Variants in TLN1 observed in about 807,000 individuals in gnomAD.
TLN1 encodes talin-1.
TLN1 carries 56 observed loss-of-function variants against 292.3 expected under a neutral mutation model. The observed-to-expected ratio is 0.19, with a 90% CI of 0.15 to 0.24. The LOEUF is 0.24. TLN1 is among the 10% of genes least tolerant of loss of function. The pLI is 1.00. For synonymous variants in TLN1, 1,119 were observed against 1,253.7 expected (o/e 0.89, Z 2.27); for missense variants, 2,433 against 3,248.2 (o/e 0.75, Z 6.10).
rs1480000671 is a variant in TLN1 at position 35,704,232 on chromosome 9, G to A, written c.6048-58C>T. The A allele has an allele frequency of 1.9e-6, 3 of 1,569,590 alleles. No individual in the cohort carries two copies. The highest frequency in any genetic ancestry group is 1.3e-5 in the African/African-American group (1 of 74,082). ...CTACCCGCTCCAGCCCGTCCAAGGT[G>A]CCTGGTCCAGGTCTTCCCCATTCCA... On this transcript the variant is annotated intron_variant, in intron 45 of 56. Transcript: ENST00000314888. This position sits in a 1 kb window ranked among gnomAD's most constrained non-coding sequence, Gnocchi z 6.9.
chr9:35,731,697 T>G (rs995626689), intron 1 of TLN1, among the ~76,000 whole-genome samples: 2 of 152,100 alleles, frequency 1.3e-5, no homozygotes, highest in African/African-American at 4.8e-5. Flanking sequence ...CTCTTAAGTT[T>G]TAACCCCAGC....
chr9:35,719,356 C>A lies in TLN1; in HGVS notation c.1688-74G>T. ...CGAAGGGCTGGGGAGGGAGCAAAGT[C>A]ACACCCAGTTAGTCACACACATGTC... On this transcript the variant is annotated intron_variant, in intron 15 of 56. Transcript: ENST00000314888. This position sits in a 1 kb window ranked among gnomAD's most constrained non-coding sequence, Gnocchi z 4.6. 6.8e-7 allele frequency: 1 copy of A among 1,472,440 alleles called. No individual in the cohort carries two copies. Among genetic ancestry groups the A allele is most frequent in the Non-Finnish European group, 9.4e-7 (1 of 1,061,240 alleles). The allele number at this position is 1,472,440 out of a possible 1,614,324, so 91.2% of individuals were successfully genotyped here.
Position 35,699,770 on chromosome 9 carries a change from A to G in TLN1, c.6768+204T>C. On this transcript the variant is annotated intron_variant, in intron 50 of 56. Coordinates refer to ENST00000314888, the MANE Select transcript of TLN1 (RefSeq NM_006289.4). The surrounding 1 kb of genome is among the most constrained non-coding windows in gnomAD (Gnocchi z 4.0). ...AGGAGAAAAGAAAAAGAGGAAGAGG[A>G]AGAGGTGACTGGGAGAACCAAAGAT... 1 of 855,862 alleles carries G rather than the reference A, an allele frequency of 1.2e-6. No homozygotes were observed. The highest frequency in any genetic ancestry group is 1.4e-6 in the Non-Finnish European group (1 of 711,938). The allele number at this position is 855,862 out of a possible 1,614,324, so 53.0% of individuals were successfully genotyped here.
intron 1 of TLN1, among the ~76,000 whole-genome samples, chr9:35,727,195 T>C (rs1384422677): frequency 6.6e-6 from 1 of 151,908 alleles, no homozygotes; most frequent in Non-Finnish European, 1.5e-5. Flanking sequence ...AATGGGCAAA[T>C]ACAAGCTGCC....
intron 3 of TLN1, 104 bp from the exon 4 acceptor site, chr9:35,725,063 A>G (rs144997259): frequency 1.0e-4 from 161 of 1,578,732 alleles, no homozygotes; most frequent in Admixed American, 7.4e-4. Flanking sequence ...AAGGAAGACT[A>G]TGGTGGTTCG....
chr9:35,699,386 C>T lies in TLN1; in HGVS notation c.6844G>A (p.Glu2282Lys), dbSNP rs1196681235. 10 of 1,613,810 alleles carry T rather than the reference C, an allele frequency of 6.2e-6. No individual in the cohort carries two copies. In the South Asian group the frequency reaches 6.6e-5, roughly 11 times the overall value. The change falls in exon 51 of 57, where the codon GAG (glutamate) becomes AAG (lysine). Residue 2282 changes from glutamate (E) to lysine (K), a missense_variant. Physicochemically the swap from Glu to Lys is moderately conservative, Grantham distance 56. This residue lies in a region of TLN1 where 1,384 missense variants were observed against 1,699.6 expected (regional missense o/e 0.81). Transcript: ENST00000314888. The surrounding 1 kb of genome is among the most constrained non-coding windows in gnomAD (Gnocchi z 4.0). ...ATGGCTTCAGCAGCCTGGATGAGCT[C>T]AGTGACGGAACCAGCCACACGCTTT... is the stretch of plus-strand genomic sequence containing the variant. ...HSKRVAGSVT[E>K]LIQAAEAMKG...
chr9:35,698,214 G>A lies in TLN1; in HGVS notation c.7372-42C>T, dbSNP rs748944182. The A allele has an allele frequency of 1.2e-6, 2 of 1,612,008 alleles. No homozygotes were observed. Among genetic ancestry groups the A allele is most frequent in the South Asian group, 1.1e-5 (1 of 91,012 alleles). On this transcript the variant is annotated intron_variant, in intron 55 of 56. Transcript: ENST00000314888. This position sits in a 1 kb window ranked among gnomAD's most constrained non-coding sequence, Gnocchi z 5.3. ...TGGCCTAGGTTGAGAACTCAGGTAC[G>A]GTCCCAGTTGAGACAGTACCTCAAT...
At chr9:35,720,749 A>C in intron 11 of TLN1, 63 bp downstream of exon 11, 1 of 1,505,700 alleles carries the variant, frequency 6.6e-7, no homozygotes, top group Non-Finnish European at 9.2e-7. Flanking sequence ...CCCATTTCTA[A>C]AGGACTGGCT....
At chr9:35,722,740 A>G (rs1825898862) in intron 8 of TLN1, 121 bp downstream of exon 8, 1 of 947,850 alleles carries the variant, frequency 1.1e-6, no homozygotes, top group Non-Finnish European at 1.7e-6. Context: ...GTGGGATAAC[A>G]GCCCGGTGGG....
chr9:35,708,504 TG>T lies in TLN1; in HGVS notation c.4327-21del. The T allele has an allele frequency of 6.5e-7, 1 of 1,535,274 alleles. No individual in the cohort carries two copies. The highest frequency in any genetic ancestry group is 8.8e-7 in the Non-Finnish European group (1 of 1,134,696). ...TGCAGCCTGGGAAGAGAAAAGGGGGTGGGGGTGAGGAATAAAGATTGCAGGT... is the reference window on the plus strand; with the variant it reads ...TGCAGCCTGGGAAGAGAAAAGGGGGTGGGGTGAGGAATAAAGATTGCAGGT... On this transcript the variant is annotated intron_variant, in intron 33 of 56. Coordinates refer to ENST00000314888, the MANE Select transcript of TLN1 (RefSeq NM_006289.4).
At position 35,710,201 on chromosome 9, in the gene TLN1, C is replaced by T. The variant is rs372726320; in HGVS notation, c.4326+360G>A. Among the ~76,000 whole-genome samples, 459 of 123,796 alleles carry T rather than the reference C, an allele frequency of 3.7e-3. 3 individuals are homozygous for T. Among genetic ancestry groups the T allele is most frequent in the African/African-American group, 0.013 (430 of 32,604 alleles). 81.2% of individuals were successfully genotyped at this position (123,796 alleles called of 152,430 possible). A position where few individuals can be genotyped will look rare whatever the true frequency, so the allele number is the denominator to read the frequency against. Reference sequence around the variant, plus strand: ...TCACGCCATTGCACTTCAGCCTGGGCGACAGAGCGAAACGCTGTCTCAAAA... The same window carrying T: ...TCACGCCATTGCACTTCAGCCTGGGTGACAGAGCGAAACGCTGTCTCAAAA... On this transcript the variant is annotated intron_variant, in intron 33 of 56. Transcript: ENST00000314888.
chr9:35,698,447 T>A lies in TLN1; in HGVS notation c.7247A>T (p.Gln2416Leu). ...NLCEAANAAV[Q>L]GHASQEKLIS... ...GAGCTTCTCCTGGCTGGCATGGCCT[T>A]GTACAGCTGCATTGGCTGCCTCACA... Residue 2416 changes from glutamine (Q) to leucine (L), a missense_variant, in exon 55 of 57, where the codon CAA (glutamine) becomes CTA (leucine). By Grantham distance (113) the Gln-to-Leu change is moderately radical (BLOSUM62 -2). This residue lies in a region of TLN1 where 141 missense variants were observed against 248.5 expected (regional missense o/e 0.57). Coordinates refer to ENST00000314888, the MANE Select transcript of TLN1 (RefSeq NM_006289.4). The surrounding 1 kb of genome is among the most constrained non-coding windows in gnomAD (Gnocchi z 5.3). The A allele has an allele frequency of 6.2e-7, 1 of 1,614,096 alleles. No homozygotes were observed. Among genetic ancestry groups the A allele is most frequent in the Non-Finnish European group, 8.5e-7 (1 of 1,180,004 alleles).
In TLN1 at chr9:35,719,152, C is replaced by A; in HGVS notation, c.1818G>T (p.Arg606=). The A allele has an allele frequency of 3.1e-6, 5 of 1,614,162 alleles. No individual in the cohort carries two copies. In the East Asian group the frequency reaches 8.9e-5, roughly 29 times the overall value. ...GGCCCTTTGCTGCCTGCAACAGGGG[C>A]CGACCACTGCCGCCTTCGTCCTCCA... The part of the protein sequence containing the change: ...ALLEDEGGSG[R]PLLQAAKGLA... The change falls in exon 16 of 57, where the codon CGG becomes CGT. Residue 606 remains arginine (R), a synonymous_variant. Coordinates refer to ENST00000314888, the MANE Select transcript of TLN1 (RefSeq NM_006289.4). The surrounding 1 kb of genome is among the most constrained non-coding windows in gnomAD (Gnocchi z 4.6).
Position 35,707,425 on chromosome 9 carries a change from G to A in TLN1, c.4696C>T (p.Leu1566=). The part of the protein sequence containing the change: ...AQCRAATAPL[L]EAVDNLSAFA... ...GCACTCAGATTGTCCACAGCCTCCA[G>A]CAGAGGGGCTGTTGCTGCTCGGCAC... Residue 1566 remains leucine, a synonymous_variant, in exon 36 of 57, where the codon CTG becomes TTG. Coordinates refer to ENST00000314888, the MANE Select transcript of TLN1 (RefSeq NM_006289.4). This position sits in a 1 kb window ranked among gnomAD's most constrained non-coding sequence, Gnocchi z 5.6. 6.2e-7 allele frequency: 1 copy of A among 1,614,184 alleles called. No homozygotes were observed. The highest frequency in any genetic ancestry group is 2.2e-5 in the East Asian group (1 of 44,886).
intron 7 of TLN1, 65 bp downstream of exon 7, chr9:35,723,887 C>T (rs563119532): frequency 2.5e-6 from 4 of 1,596,784 alleles, no homozygotes; most frequent in African/African-American, 1.4e-5. Context: ...TGGAGACAGG[C>T]CCACTGGGGT....
Position 35,711,090 on chromosome 9 carries a change from TG to T in TLN1, c.4020-9del, listed in dbSNP as rs765941291. 3.1e-6 allele frequency: 5 copies of T among 1,614,016 alleles called. No homozygotes were observed. The highest frequency in any genetic ancestry group is 4.2e-6 in the Non-Finnish European group (5 of 1,179,966). ...ATGCTGTCAGTTACTGCCCTGGGAG[TG>T]ACAGAAAGTTGAGTGAAAAGGTGAA... On this transcript the variant is annotated splice_polypyrimidine_tract_variant and intron_variant, in intron 30 of 56. Coordinates refer to ENST00000314888, the MANE Select transcript of TLN1 (RefSeq NM_006289.4).
Position 35,705,770 on chromosome 9 carries a change from C to T in TLN1, c.5593G>A (p.Ala1865Thr). 6.2e-7 allele frequency: 1 copy of T among 1,614,254 alleles called. No homozygotes were observed. Among genetic ancestry groups the T allele is most frequent in the South Asian group, 1.1e-5 (1 of 91,092 alleles). The stretch of plus-strand genomic sequence containing the variant: ...CTCACCATCTCCTGAACGGTCACTG[C>T]AATGGCCTTGGCTGTCCGCACCATA... ...TTMVRTAKAI[A>T]VTVQEMVTKS... The change falls in exon 42 of 57, where the codon GCA (alanine) becomes ACA (threonine). Residue 1865 changes from alanine to threonine, a missense_variant. By Grantham distance (58) the Ala-to-Thr change is moderately conservative. Coordinates refer to ENST00000314888, the MANE Select transcript of TLN1 (RefSeq NM_006289.4).
At position 35,703,791 on chromosome 9, in the gene TLN1, A is replaced by G. The variant is rs2131883761; in HGVS notation, c.6341T>C (p.Leu2114Pro). ...CTCTCCAACCTTGGCAGAGTTCTTT[A>G]GCTGCCACACAGCAGGGTCATCTCC... ...KVGDDPAVWQ[L>P]KNSAKVMVTN... is the part of the protein sequence containing the mutation. The change falls in exon 47 of 57, where the codon CTA becomes CCA. Residue 2114 changes from leucine (L) to proline (P), a missense_variant. Leu to Pro is a moderately conservative substitution (Grantham distance 98, BLOSUM62 -3). Around this residue, in one of 7 missense-constraint regions of TLN1, gnomAD observed 1,384 missense variants for 1,699.6 expected, o/e 0.81. Coordinates refer to ENST00000314888, the MANE Select transcript of TLN1 (RefSeq NM_006289.4). The G allele has an allele frequency of 1.9e-6, 3 of 1,614,198 alleles. No individual in the cohort carries two copies. Among genetic ancestry groups the G allele is most frequent in the Middle Eastern group, 3.3e-4 (2 of 6,062 alleles).
rs768490750 is a variant in TLN1 at position 35,725,239 on chromosome 9, G to A, written c.213C>T (p.Tyr71=). ...GGATACTTACCCCATTTCGGAGCAT[G>A]TAGTAGTCCAAAGCTTTCCCAGCCT... ...WLEAGKALDY[Y]MLRNGDTMEY... The change falls in exon 3 of 57, where the codon TAC becomes TAT. Residue 71 remains tyrosine (Y), a synonymous_variant. Transcript: ENST00000314888. 1 of 1,614,172 alleles carries A rather than the reference G, an allele frequency of 6.2e-7. No homozygotes were observed. Among genetic ancestry groups the A allele is most frequent in the Non-Finnish European group, 8.5e-7 (1 of 1,180,022 alleles).
Sources: gnomAD v4.1 joint callset for allele counts (sites outside exome capture counted in the v4.1 genomes callset) on GRCh38, gnomAD v4.1.1 for gene constraint, gnomAD v4.1.1 regional missense constraint, Gnocchi (gnomAD v3.1) non-coding constraint, MANE v1.5 for transcripts, NCBI Gene and HGNC (gene_info 2026-07-23, HGNC 2026-07-21) for gene names.